The following KATNBL1 variants were observed in gnomAD, a reference collection of about 807,000 sequenced individuals.
KATNBL1 encodes KATNB1-like protein 1.
In KATNBL1, 28 loss-of-function variants were observed where a neutral mutation model predicts 44.7. The ratio of observed to expected loss-of-function variants is 0.63; its 90% CI spans 0.46 to 0.86. The LOEUF (loss-of-function observed/expected upper bound fraction) is 0.86. Among genes scored for constraint, KATNBL1 ranks in the 40% least tolerant of loss-of-function variants. The pLI is 0.00. For synonymous variants in KATNBL1, 78 were observed against 114.9 expected (o/e 0.68, Z 2.06); for missense variants, 272 against 350.7 (o/e 0.78, Z 1.79).
intron 1 of KATNBL1, among the ~76,000 whole-genome samples, chr15:34,164,082 C>A (rs186328003): frequency 1.3e-5 from 2 of 152,070 alleles, no homozygotes; most frequent in African/African-American, 4.8e-5. Flanking sequence ...TCAGTAGAGA[C>A]GGGGTTTCAC....
chr15:34,209,783 T>TTGCCGCCCCGCCCC (rs1555531654), intron 1 of KATNBL1, 168 bp downstream of exon 1: 1 of 150,814 alleles, frequency 6.6e-6, no homozygotes, highest in Non-Finnish European at 1.5e-5. Context: ...CGCCCCGGCC[T>TTGCCGCCCCGCCCC]TGCCGCCCCG....
At chr15:34,172,659 A>G (rs1413678945) in intron 1 of KATNBL1, among the ~76,000 whole-genome samples, 5 of 152,124 alleles carry the variant, frequency 3.3e-5, no homozygotes, top group African/African-American at 1.2e-4. Context: ...GCTTGCAACC[A>G]GGCTTATACA....
chr15:34,191,188 T>TATATATATATATATATATATATATATA (rs1331589830), intron 1 of KATNBL1, among the ~76,000 whole-genome samples: 4 of 137,906 alleles, frequency 2.9e-5, no homozygotes, highest in Non-Finnish European at 6.2e-5. Flanking sequence ...TATATATATA[T>TATATATATATATATATATATATATATA]TTGGTAGGGC....
intron 1 of KATNBL1, 118 bp from the exon 2 acceptor site, chr15:34,163,808 T>G: frequency 1.9e-6 from 1 of 526,322 alleles, no homozygotes; most frequent in East Asian, 3.3e-5. Flanking sequence ...AGGACATCAT[T>G]TTAATTTACA....
chr15:34,188,162 A>AAAAAAAAAAAAAG (rs1567534700), intron 1 of KATNBL1, among the ~76,000 whole-genome samples: 2 of 148,816 alleles, frequency 1.3e-5, no homozygotes, highest in Non-Finnish European at 3.0e-5. Flanking sequence ...AAAAAAAAAA[A>AAAAAAAAAAAAAG]AAAGAAAATT....
At chr15:34,181,641 C>T (rs62016512) in intron 1 of KATNBL1, among the ~76,000 whole-genome samples, 28 of 44,768 alleles carry the variant, frequency 6.3e-4, no homozygotes, top group Non-Finnish European at 9.0e-4. Flanking sequence ...CATATATATA[C>T]ACATATATAT....
At chr15:34,159,133 C>G (rs543331036) in intron 2 of KATNBL1, among the ~76,000 whole-genome samples, 7 of 121,238 alleles carry the variant, frequency 5.8e-5, no homozygotes, top group African/African-American at 2.2e-4. Context: ...AATGAAGTTC[C>G]TTCTAAAAGT....
intron 1 of KATNBL1, among the ~76,000 whole-genome samples, chr15:34,176,305 G>A (rs188963314): frequency 0.01 from 1,562 of 152,040 alleles, 21 homozygotes; most frequent in Non-Finnish European, 0.018. Flanking sequence ...TTGAACCCGG[G>A]AGGCGGAGTT....
At chr15:34,179,659 T>C (rs937617782) in intron 1 of KATNBL1, among the ~76,000 whole-genome samples, 1 of 152,142 alleles carries the variant, frequency 6.6e-6, no homozygotes, top group Non-Finnish European at 1.5e-5. Context: ...AAAAGCAGAA[T>C]AGAAAACTAA....
At chr15:34,169,416 A>C (rs1295509415) in intron 1 of KATNBL1, among the ~76,000 whole-genome samples, 1 of 152,222 alleles carries the variant, frequency 6.6e-6, no homozygotes, top group African/African-American at 2.4e-5. Context: ...TGAATAGACC[A>C]ATAACAGGCT....
At chr15:34,190,718 C>A (rs549913066) in intron 1 of KATNBL1, among the ~76,000 whole-genome samples, 38 of 152,220 alleles carry the variant, frequency 2.5e-4, no homozygotes, top group African/African-American at 8.9e-4. Context: ...GACAACCAGA[C>A]ATTATATGAA....
chr15:34,173,187 G>A (rs1889224661), intron 1 of KATNBL1, among the ~76,000 whole-genome samples: 2 of 151,776 alleles, frequency 1.3e-5, no homozygotes, highest in African/African-American at 2.4e-5. Context: ...GTACAAGACA[G>A]TAAAAGAGAA....
chr15:34,166,252 T>C (rs181949414), intron 1 of KATNBL1: 4 of 152,418 alleles, frequency 2.6e-5, no homozygotes, highest in South Asian at 2.1e-4. Context: ...ACTTTTCCAA[T>C]GGTCTTAGCA....
chr15:34,182,047 G>C (rs1451508030), intron 1 of KATNBL1, among the ~76,000 whole-genome samples: 1 of 151,462 alleles, frequency 6.6e-6, no homozygotes, highest in Non-Finnish European at 1.5e-5. Context: ...AGAAAATAAA[G>C]GCATAAAAAG....
chr15:34,200,433 T>TG (rs1890150807), intron 1 of KATNBL1, among the ~76,000 whole-genome samples: 1 of 147,710 alleles, frequency 6.8e-6, no homozygotes, highest in East Asian at 2.0e-4. Flanking sequence ...TTTTTTTTTT[T>TG]TGTATTTTTA....
chr15:34,183,364 G>C (rs750156314), intron 1 of KATNBL1, among the ~76,000 whole-genome samples: 1 of 152,128 alleles, frequency 6.6e-6, no homozygotes, highest in Non-Finnish European at 1.5e-5. Context: ...TCTCTGGAAA[G>C]CTTTCTACTT....
chr15:34,166,339 G>A (rs777568148), intron 1 of KATNBL1, among the ~76,000 whole-genome samples: 2 of 152,220 alleles, frequency 1.3e-5, no homozygotes, highest in African/African-American at 2.4e-5. Flanking sequence ...TACTGCCAGC[G>A]CAGCAGTCTG....
intron 8 of KATNBL1, chr15:34,145,736 T>A (rs1888288688): frequency 5.2e-6 from 1 of 191,892 alleles, no homozygotes; most frequent in Non-Finnish European, 1.0e-5. Flanking sequence ...GCCAAATGCC[T>A]CCTATTTAAT....
intron 1 of KATNBL1, among the ~76,000 whole-genome samples, chr15:34,191,546 T>C (rs1889872272): frequency 6.6e-6 from 1 of 152,142 alleles, no homozygotes; most frequent in Non-Finnish European, 1.5e-5. Flanking sequence ...TACATTCTGA[T>C]CAGCCGTGTA....
Sources: gnomAD v4.1 joint callset for allele counts (sites outside exome capture counted in the v4.1 genomes callset) on GRCh38, gnomAD v4.1.1 for gene constraint, MANE v1.5 for transcripts, NCBI Gene and HGNC (gene_info 2026-07-23, HGNC 2026-07-21) for gene names.